The following IL27RA variants were observed in gnomAD, a reference collection of about 807,000 sequenced individuals.
IL27RA encodes interleukin 27 receptor subunit alpha, also known as interleukin-27 receptor subunit alpha.
In IL27RA, 61 loss-of-function variants were observed where a neutral mutation model predicts 80.8. That is an observed-to-expected ratio of 0.76 (90% confidence interval 0.61 to 0.93). IL27RA has a LOEUF of 0.93. Ranked by LOEUF, IL27RA falls within the 40% of genes least tolerant of loss-of-function variation. IL27RA has a pLI of 0.00. For synonymous variants in IL27RA, 316 were observed against 332.5 expected (o/e 0.95, Z 0.54); for missense variants, 735 against 808.1 (o/e 0.91, Z 1.10).
At chr19:14,038,922 A>G (rs905987415) in intron 2 of IL27RA, among the ~76,000 whole-genome samples, 1 of 150,186 alleles carries the variant, frequency 6.7e-6, no homozygotes, top group African/African-American at 2.5e-5. Flanking sequence ...GCAAGGAAGG[A>G]AGGGAGGGAG....
intron 8 of IL27RA, among the ~76,000 whole-genome samples, chr19:14,048,402 A>T (rs149522180): frequency 6.6e-6 from 1 of 152,218 alleles, no homozygotes; most frequent in African/African-American, 2.4e-5. Flanking sequence ...AGGCCCAATT[A>T]TGGAAAATTC....
chr19:14,037,292 A>C, intron 2 of IL27RA, among the ~76,000 whole-genome samples: 1 of 146,826 alleles, frequency 6.8e-6, no homozygotes, highest in African/African-American at 2.5e-5. Context: ...ACAGAGTCTC[A>C]CTCTGTTGCC....
intron 2 of IL27RA, among the ~76,000 whole-genome samples, chr19:14,038,235 T>A (rs555657681): frequency 8.5e-4 from 129 of 152,054 alleles, no homozygotes; most frequent in African/African-American, 3.0e-3. Context: ...CTCAACCTCC[T>A]GGGCTCAATC....
At chr19:14,034,883 G>A (rs1975875948) in intron 2 of IL27RA, among the ~76,000 whole-genome samples, 1 of 151,646 alleles carries the variant, frequency 6.6e-6, no homozygotes, top group Non-Finnish European at 1.5e-5. Context: ...AACCCAGGAG[G>A]CAGAGCTTGC....
chr19:14,046,107 G>C (rs1198398263), intron 6 of IL27RA, 47 bp from the exon 7 acceptor site: 1 of 1,554,416 alleles, frequency 6.4e-7, no homozygotes, highest in African/African-American at 1.4e-5. Context: ...ACATATATGT[G>C]CGTGATTAAT....
Position 14,041,640 on chromosome 19 carries a change from C to T in IL27RA, c.535-813C>T, listed in dbSNP as rs183341876. On this transcript the variant is annotated intron_variant, in intron 4 of 13. Coordinates refer to ENST00000263379, the MANE Select transcript of IL27RA (RefSeq NM_004843.4). ...GAGATAATAATAGAAGTTACCACTT[C>T]CTGCTATACCTAGCACATAGAGTGA... is the stretch of plus-strand genomic sequence containing the variant. Among the ~76,000 whole-genome samples, 90 of 152,316 alleles carry T rather than the reference C, an allele frequency of 5.9e-4. 1 individual carries two copies. The highest frequency in any genetic ancestry group is 1.0e-3 in the Non-Finnish European group (71 of 68,040).
intron 8 of IL27RA, among the ~76,000 whole-genome samples, chr19:14,048,046 C>T (rs1024897255): frequency 4.0e-5 from 6 of 151,464 alleles, no homozygotes; most frequent in Non-Finnish European, 7.4e-5. Flanking sequence ...CAGCGTCGAC[C>T]TCCATGGCTC....
intron 2 of IL27RA, among the ~76,000 whole-genome samples, chr19:14,037,852 A>T (rs8110251): frequency 7.2e-6 from 1 of 139,242 alleles, no homozygotes; most frequent in East Asian, 2.3e-4. Context: ...TTTTTTTTGA[A>T]ATGGAGTCTT....
At chr19:14,042,862 G>A (rs1296087725) in intron 6 of IL27RA, 73 bp downstream of exon 6, 2 of 1,334,704 alleles carry the variant, frequency 1.5e-6, no homozygotes, top group African/African-American at 1.4e-5. Context: ...CATAAGGCCG[G>A]ATGCAGTGGC....
chr19:14,041,136 C>G (rs1440227868), intron 4 of IL27RA, among the ~76,000 whole-genome samples: 1 of 151,580 alleles, frequency 6.6e-6, no homozygotes, highest in Admixed American at 6.6e-5. Context: ...CTCCTGACCT[C>G]AGGTGATCCA....
chr19:14,037,832 CTCTTT>C (rs907281307), intron 2 of IL27RA, among the ~76,000 whole-genome samples: 1 of 125,056 alleles, frequency 8.0e-6, no homozygotes, highest in African/African-American at 2.9e-5. Flanking sequence ...CGCTCTCTCT[CTCTTT>C]TTTTTTTTTT....
At chr19:14,042,672 A>C in intron 5 of IL27RA, 44 bp from the exon 6 acceptor site, 1 of 1,613,972 alleles carries the variant, frequency 6.2e-7, no homozygotes, top group Non-Finnish European at 8.5e-7. Context: ...AGTCTGTCCA[A>C]TCATGTCCCA....
chr19:14,048,769 C>A (rs759174947), intron 8 of IL27RA, among the ~76,000 whole-genome samples: 3 of 152,158 alleles, frequency 2.0e-5, no homozygotes, highest in African/African-American at 7.2e-5. Context: ...CATGGGACTG[C>A]GTCTCAGTTG....
intron 4 of IL27RA, among the ~76,000 whole-genome samples, chr19:14,041,949 C>T (rs1975994694): frequency 6.6e-6 from 1 of 152,074 alleles, no homozygotes; most frequent in Admixed American, 6.6e-5. Context: ...ACCTGTAATC[C>T]CAGCACTGTG....
At chr19:14,040,513 G>A (rs28591441) in intron 4 of IL27RA, among the ~76,000 whole-genome samples, 2,920 of 151,944 alleles carry the variant, frequency 0.019, 84 homozygotes, top group African/African-American at 0.066. Context: ...AGCAAGACTC[G>A]TCTCTAAGAA....
At chr19:14,042,894 T>G in intron 6 of IL27RA, 105 bp downstream of exon 6, 1 of 1,045,246 alleles carries the variant, frequency 9.6e-7, no homozygotes, top group Non-Finnish European at 1.5e-6. Flanking sequence ...ATCCCAACAC[T>G]GCTGTGGGAG....
chr19:14,047,191 G>A (rs1017912137), intron 8 of IL27RA, among the ~76,000 whole-genome samples: 1 of 147,270 alleles, frequency 6.8e-6, no homozygotes, highest in African/African-American at 2.5e-5. Flanking sequence ...CTATGGGAGC[G>A]TACCACCACA....
In IL27RA at chr19:14,034,877, C is replaced by G. The variant is rs570886734; in HGVS notation, c.218+2374C>G. On this transcript the variant is annotated intron_variant, in intron 2 of 13. Transcript: ENST00000263379. The stretch of plus-strand genomic sequence containing the variant: ...CTGAGGCAGGAGAGTGGCGTGAACC[C>G]AGGAGGCAGAGCTTGCAATGAGCCG... 6.6e-5 allele frequency among the ~76,000 whole-genome samples: 10 copies of G among 151,664 alleles called. No homozygotes were observed. In the East Asian group the frequency reaches 1.9e-3, roughly 29 times the overall value.
intron 4 of IL27RA, among the ~76,000 whole-genome samples, chr19:14,041,205 C>CTT (rs1306685075): frequency 1.5e-5 from 2 of 137,750 alleles, no homozygotes; most frequent in Non-Finnish European, 3.2e-5. Context: ...ACCCGGCCCC[C>CTT]TTTTTTTTTT....
Sources: allele counts gnomAD v4.1 joint callset (sites outside exome capture counted in the v4.1 genomes callset), GRCh38; gene constraint gnomAD v4.1.1; transcripts MANE v1.5; gene names NCBI Gene and HGNC (gene_info 2026-07-23, HGNC 2026-07-21).